The following ZNF516 variants were observed in gnomAD, a reference collection of about 807,000 sequenced individuals.
ZNF516 encodes the protein zinc finger protein 516.
In ZNF516, 19 loss-of-function variants were observed where a neutral mutation model predicts 79.7. The ratio of observed to expected loss-of-function variants is 0.24; its 90% CI spans 0.17 to 0.35. The LOEUF (loss-of-function observed/expected upper bound fraction) is 0.35. ZNF516 is among the 10% of genes least tolerant of loss of function. The probability of loss-of-function intolerance (pLI) is 1.00; values close to 1 mark genes in which losing one functional copy is unlikely to be tolerated. For synonymous variants in ZNF516, 877 were observed against 739.5 expected, an observed-to-expected ratio of 1.19 and a Z score of -3.02; for missense variants, 1,678 against 1,679.5, an observed-to-expected ratio of 1.00 and a Z score of 0.02.
intron 4 of ZNF516, among the ~76,000 whole-genome samples, chr18:76,373,748 C>T (rs1197541837): frequency 6.6e-6 from 1 of 152,266 alleles, no homozygotes; most frequent in Non-Finnish European, 1.5e-5. Flanking sequence ...TACACGCTCA[C>T]AAGTGCACAC....
intron 3 of ZNF516, among the ~76,000 whole-genome samples, chr18:76,440,820 G>C (rs1176110947): frequency 6.6e-6 from 1 of 152,152 alleles, no homozygotes; most frequent in African/African-American, 2.4e-5. Flanking sequence ...AAAAAGAAGG[G>C]GGTGAATGTC....
At chr18:76,441,179 C>T (rs2075812767) in intron 3 of ZNF516, 66 bp downstream of exon 3, 1 of 1,539,400 alleles carries the variant, frequency 6.5e-7, no homozygotes, top group Admixed American at 2.0e-5. Flanking sequence ...TATACGTTTA[C>T]CTGGAAGCAG....
chr18:76,481,658 C>T (rs1914529117), intron 1 of ZNF516, among the ~76,000 whole-genome samples: 1 of 152,184 alleles, frequency 6.6e-6, no homozygotes, highest in Non-Finnish European at 1.5e-5. Flanking sequence ...AAGACCTGTG[C>T]ATATTAAATA....
At chr18:76,487,927 G>A (rs1237315128) in intron 1 of ZNF516, 4 of 985,248 alleles carry the variant, frequency 4.1e-6, no homozygotes, top group Admixed American at 1.2e-4. Context: ...AGGAGGGGAG[G>A]GAGAAGAAGG....
chr18:76,471,452 CTCT>C (rs1253445887), intron 1 of ZNF516, among the ~76,000 whole-genome samples: 1 of 152,138 alleles, frequency 6.6e-6, no homozygotes, highest in East Asian at 1.9e-4. Context: ...ATGGGTCATT[CTCT>C]TCTTTGGCCC....
intron 3 of ZNF516, among the ~76,000 whole-genome samples, chr18:76,382,127 A>C (rs1319665319): frequency 6.7e-6 from 1 of 149,720 alleles, no homozygotes; most frequent in African/African-American, 2.4e-5. Context: ...GCAAGACTCC[A>C]TCTTAAAAAA....
intron 6 of ZNF516, among the ~76,000 whole-genome samples, chr18:76,365,865 C>T (rs1170747726): frequency 1.3e-5 from 2 of 152,222 alleles, no homozygotes; most frequent in Non-Finnish European, 2.9e-5. Flanking sequence ...AAGGGGTGTG[C>T]TGTGAGCATC....
chr18:76,441,726 C>T lies in ZNF516; in HGVS notation c.1329G>A (p.Leu443=). The T allele has an allele frequency of 6.4e-7, 1 of 1,573,562 alleles. No individual in the cohort carries two copies. The highest frequency in any genetic ancestry group is 1.3e-5 in the African/African-American group (1 of 74,184). ...CCTTGTCGAAGGCCACGTCCCCGGC[C>T]AGCGCCTCGTCCCAGGCCCCGTACT... ...YLKYGAWDEA[L]AGDVAFDKDR... Residue 443 remains leucine (L), a synonymous_variant, in exon 3 of 7, where the codon CTG becomes CTA. Transcript: ENST00000443185.
chr18:76,376,509 GATAA>G (rs1265581028), intron 4 of ZNF516, among the ~76,000 whole-genome samples: 2 of 134,200 alleles, frequency 1.5e-5, no homozygotes, highest in East Asian at 4.4e-4. Flanking sequence ...ACATATGAAA[GATAA>G]ATATTTAACC....
chr18:76,407,432 GA>G (rs1227684930), intron 3 of ZNF516, among the ~76,000 whole-genome samples: 11 of 152,118 alleles, frequency 7.2e-5, no homozygotes, highest in African/African-American at 2.4e-4. Context: ...TAACAAAGAA[GA>G]GGGGGGGAGT....
At chr18:76,444,783 C>T (rs543870373) in intron 2 of ZNF516, among the ~76,000 whole-genome samples, 33 of 152,322 alleles carry the variant, frequency 2.2e-4, no homozygotes, top group African/African-American at 7.5e-4. Flanking sequence ...TGTATTAATA[C>T]TTCAACTCCC....
intron 3 of ZNF516, 107 bp downstream of exon 3, chr18:76,441,138 G>A (rs1599094668): frequency 7.0e-7 from 1 of 1,428,900 alleles, no homozygotes; most frequent in South Asian, 1.4e-5. Flanking sequence ...AGGGCCACCG[G>A]GTAAGGGGCT....
chr18:76,403,318 G>T (rs2075256791), intron 3 of ZNF516, among the ~76,000 whole-genome samples: 1 of 152,206 alleles, frequency 6.6e-6, no homozygotes, highest in South Asian at 2.1e-4. Flanking sequence ...AGTCAGATGA[G>T]AAGCCACACA....
intron 3 of ZNF516, among the ~76,000 whole-genome samples, chr18:76,440,788 G>A (rs1465685462): frequency 6.6e-6 from 1 of 151,806 alleles, no homozygotes; most frequent in East Asian, 1.9e-4. Flanking sequence ...GCATCGTATG[G>A]TGAGAACTGG....
chr18:76,427,630 T>C (rs2075612933), intron 3 of ZNF516, among the ~76,000 whole-genome samples: 1 of 152,012 alleles, frequency 6.6e-6, no homozygotes, highest in Non-Finnish European at 1.5e-5. Flanking sequence ...CCAAAAACCA[T>C]AAAGACAATT....
At chr18:76,475,973 T>G (rs1353056994) in intron 1 of ZNF516, among the ~76,000 whole-genome samples, 1 of 152,212 alleles carries the variant, frequency 6.6e-6, no homozygotes, top group African/African-American at 2.4e-5. Context: ...AAAATAAACT[T>G]ACTCTCATGT....
chr18:76,469,955 C>CTTT (rs1340673724), intron 1 of ZNF516, among the ~76,000 whole-genome samples: 5 of 152,056 alleles, frequency 3.3e-5, no homozygotes. Context: ...GAAATCATTA[C>CTTT]AAAATACAAA....
chr18:76,487,061 G>T (rs1253784893), intron 1 of ZNF516, among the ~76,000 whole-genome samples: 2 of 152,094 alleles, frequency 1.3e-5, no homozygotes, highest in African/African-American at 4.8e-5. Flanking sequence ...AAAAATAGTT[G>T]CATTTCTAAT....
At chr18:76,448,323 G>A (rs572627590) in intron 2 of ZNF516, among the ~76,000 whole-genome samples, 1 of 152,136 alleles carries the variant, frequency 6.6e-6, no homozygotes, top group East Asian at 1.9e-4. Flanking sequence ...TGCTAAATTT[G>A]GGATACATTT....
Sources: gnomAD v4.1 joint callset for allele counts (sites outside exome capture counted in the v4.1 genomes callset) on GRCh38, gnomAD v4.1.1 for gene constraint, MANE v1.5 for transcripts, NCBI Gene and HGNC (gene_info 2026-07-23, HGNC 2026-07-21) for gene names.